Variants in AGAP5 observed in about 807,000 individuals in gnomAD.
AGAP5 encodes ArfGAP with GTPase domain, ankyrin repeat and PH domain 5.
Under a neutral mutation model 27.7 loss-of-function variants are expected in AGAP5, and 8 were observed. The observed-to-expected ratio is 0.29, with a 90% CI of 0.17 to 0.52. AGAP5 has a LOEUF of 0.52. Among genes scored for constraint, AGAP5 ranks in the 20% least tolerant of loss-of-function variants. The pLI, the probability that AGAP5 is intolerant of heterozygous loss-of-function variation, is 0.97. For synonymous variants in AGAP5, 111 were observed against 338.0 expected (o/e 0.33, Z 7.37); for missense variants, 285 against 880.8 (o/e 0.32, Z 8.56).
At chr10:73,678,150 G>A (rs2081995454) in intron 6 of AGAP5, among the ~76,000 whole-genome samples, 1 of 152,066 alleles carries the variant, frequency 6.6e-6, no homozygotes, top group Non-Finnish European at 1.5e-5. Context: ...AGCACTTTGA[G>A]AGGCCAAAGC....
In AGAP5 at chr10:73,674,967, G is replaced by A. The variant is rs113207551; in HGVS notation, c.1693C>T (p.Arg565Trp). The change falls in exon 8 of 8, where the codon CGG (arginine) becomes TGG (tryptophan). Residue 565 changes from arginine (R) to tryptophan (W), a missense_variant. Coordinates refer to ENST00000374094, the MANE Select transcript of AGAP5 (RefSeq NM_001144000.4). The part of the protein sequence containing the change: ...SVKSTREEKE[R>W]WIRSKYEEKL... The stretch of plus-strand genomic sequence containing the variant: ...TCCTCATATTTGGAACGGATCCACC[G>A]TTCCTTCTCTTCCCTCGTGGACTTT... 661 of 1,613,010 alleles carry A rather than the reference G, an allele frequency of 4.1e-4. 3 individuals are homozygous for A. The South Asian group carries it at 6.5e-3, about 16-fold the overall frequency.
chr10:73,689,050 C>T (rs1035978009), intron 4 of AGAP5, among the ~76,000 whole-genome samples: 4 of 152,202 alleles, frequency 2.6e-5, no homozygotes, highest in Non-Finnish European at 5.9e-5. Context: ...GAAGCTGGAC[C>T]GTACTGCTGC....
At chr10:73,696,382 A>T (rs1339908656) in intron 2 of AGAP5, among the ~76,000 whole-genome samples, 2 of 152,168 alleles carry the variant, frequency 1.3e-5, no homozygotes, top group Non-Finnish European at 2.9e-5. Context: ...ACAAAGGGGG[A>T]GCCACGGCAA....
chr10:73,675,029 C>T lies in AGAP5; in HGVS notation c.1631G>A (p.Trp544Ter), dbSNP rs1329951580. ...SIGNDLANSI[W>*]EGSSQGQTKP... The stretch of plus-strand genomic sequence containing the variant: ...TGTCTGCCCCTGGCTGCTCCCTTCC[C>T]AGATGCTGTTGGCTAGGTCATTGCC... Residue 544 changes from tryptophan (W) to a stop codon, truncating the protein, a stop_gained, in exon 8 of 8, where the codon TGG (tryptophan) becomes TAG (stop). Coordinates refer to ENST00000374094, the MANE Select transcript of AGAP5 (RefSeq NM_001144000.4). LOFTEE classifies it low-confidence loss of function (END_TRUNC). The T allele has an allele frequency of 1.2e-6, 2 of 1,612,656 alleles. No individual in the cohort carries two copies. The highest frequency in any genetic ancestry group is 2.0e-4 in the Middle Eastern group (1 of 5,062).
In AGAP5 at chr10:73,696,355, T is replaced by C. The variant is rs1238617824; in HGVS notation, c.292+740A>G. ...TTCTTATCTTTGAACAAGATGCTAT[T>C]GTCAGGAGGGGAAGGGACAAAGGGG... On this transcript the variant is annotated intron_variant, in intron 2 of 7. Transcript: ENST00000374094. Among the ~76,000 whole-genome samples, 18 of 152,296 alleles carry C rather than the reference T, an allele frequency of 1.2e-4. No homozygotes were observed. The East Asian group carries it at 3.3e-3, about 28-fold the overall frequency.
At chr10:73,687,649 T>A (rs184528685) in intron 4 of AGAP5, among the ~76,000 whole-genome samples, 2 of 152,344 alleles carry the variant, frequency 1.3e-5, no homozygotes, top group East Asian at 3.8e-4. Flanking sequence ...CATACATTAA[T>A]TTAAAAAGTT....
At chr10:73,695,448 G>A (rs2082153477) in intron 2 of AGAP5, among the ~76,000 whole-genome samples, 1 of 152,174 alleles carries the variant, frequency 6.6e-6, no homozygotes, top group Non-Finnish European at 1.5e-5. Flanking sequence ...ACAATAAAGA[G>A]CCATTTTTGG....
In AGAP5 at chr10:73,697,087, T is replaced by C. The variant is rs771640123; in HGVS notation, c.292+8A>G. ...TAATAAACAGAGCTACAGACACTGT[T>C]GTCTCACCATCTGTTTGAGAGTTCC... On this transcript the variant is annotated splice_region_variant and intron_variant, in intron 2 of 7. Coordinates refer to ENST00000374094, the MANE Select transcript of AGAP5 (RefSeq NM_001144000.4). The C allele has an allele frequency of 1.2e-5, 19 of 1,597,504 alleles. No homozygotes were observed. The South Asian group carries it at 2.1e-4, about 18-fold the overall frequency.
At chr10:73,689,722 G>A (rs1589474612) in intron 4 of AGAP5, among the ~76,000 whole-genome samples, 1 of 149,708 alleles carries the variant, frequency 6.7e-6, no homozygotes, top group Non-Finnish European at 1.5e-5. Flanking sequence ...CAACCGCCCC[G>A]TCTGAGAAGT....
intron 4 of AGAP5, among the ~76,000 whole-genome samples, chr10:73,691,492 CT>C (rs770330986): frequency 0.013 from 1,672 of 132,850 alleles, 15 homozygotes; most frequent in African/African-American, 0.035. Context: ...ATTTAAGGCA[CT>C]TTTTTTTTTT....
intron 4 of AGAP5, among the ~76,000 whole-genome samples, chr10:73,685,470 T>C (rs554971898): frequency 6.6e-6 from 1 of 152,298 alleles, no homozygotes; most frequent in South Asian, 2.1e-4. Context: ...TCTGTTTATG[T>C]GGTGTATCAC....
rs921422725 is a variant in AGAP5, at chr10:73,674,390, T to C, written c.*209A>G. The C allele has an allele frequency of 1.2e-5, 8 of 660,362 alleles. No individual in the cohort carries two copies. The highest frequency in any genetic ancestry group is 5.8e-5 in the Admixed American group (2 of 34,446). 40.9% of individuals were successfully genotyped at this position (660,362 alleles called of 1,614,324 possible). A position where few individuals can be genotyped will look rare whatever the true frequency, so the allele number is the denominator to read the frequency against. On this transcript the variant is annotated 3_prime_UTR_variant, in exon 8 of 8. Coordinates refer to ENST00000374094, the MANE Select transcript of AGAP5 (RefSeq NM_001144000.4). Reference sequence around the variant, plus strand: ...CTTGGGCAATGTGGCCAGGAGGGCCTGAGACTAACACATCCACCTTGGCAA... The same window carrying C: ...CTTGGGCAATGTGGCCAGGAGGGCCCGAGACTAACACATCCACCTTGGCAA...
At chr10:73,688,966 C>T (rs1565007119) in intron 4 of AGAP5, among the ~76,000 whole-genome samples, 1 of 152,036 alleles carries the variant, frequency 6.6e-6, no homozygotes, top group African/African-American at 2.4e-5. Context: ...TCTCCTCTGC[C>T]TCTGCTGCCT....
At chr10:73,676,291 C>CAAAAAAAAAAA (rs371426814) in intron 7 of AGAP5, among the ~76,000 whole-genome samples, 2 of 71,802 alleles carry the variant, frequency 2.8e-5, no homozygotes, top group African/African-American at 5.0e-5. Context: ...CCTGTCTTTA[C>CAAAAAAAAAAA]AAAAAAAAAA....
intron 4 of AGAP5, among the ~76,000 whole-genome samples, chr10:73,688,690 A>G (rs2082084836): frequency 6.6e-6 from 1 of 152,090 alleles, no homozygotes; most frequent in African/African-American, 2.4e-5. Flanking sequence ...CTGAATAACA[A>G]GACTATCAGT....
Position 73,697,692 on chromosome 10 carries a change from C to T in AGAP5, c.64G>A (p.Gly22Arg). 1 of 1,598,850 alleles carries T rather than the reference C, an allele frequency of 6.3e-7. No individual in the cohort carries two copies. Among genetic ancestry groups the T allele is most frequent in the East Asian group, 2.2e-5 (1 of 44,884 alleles). Reference sequence around the variant, plus strand: ...TCAGATTCAGAGGGACACACCGACCCCTGTTGCTGGTCAAACTCGAGGCTG... The same window carrying T: ...TCAGATTCAGAGGGACACACCGACCTCTGTTGCTGGTCAAACTCGAGGCTG... ...SVSLEFDQQQ[G>R]SVCPSESEIY... Residue 22 changes from glycine (G) to arginine (R), a missense_variant, in exon 1 of 8, where the codon GGG becomes AGG. Physicochemically the swap from Gly to Arg is moderately radical, Grantham distance 125. Coordinates refer to ENST00000374094, the MANE Select transcript of AGAP5 (RefSeq NM_001144000.4).
chr10:73,690,816 C>T (rs1245333042), intron 4 of AGAP5, among the ~76,000 whole-genome samples: 3 of 152,050 alleles, frequency 2.0e-5, no homozygotes, highest in Non-Finnish European at 2.9e-5. Flanking sequence ...ACAGCAGTTA[C>T]GTGAGATCCC....
chr10:73,685,535 T>C (rs1300686473), intron 4 of AGAP5, among the ~76,000 whole-genome samples: 2 of 152,036 alleles, frequency 1.3e-5, no homozygotes, highest in Non-Finnish European at 1.5e-5. Flanking sequence ...TGAAACCCAT[T>C]TGATCATGGT....
intron 4 of AGAP5, among the ~76,000 whole-genome samples, chr10:73,688,211 C>A (rs2082081199): frequency 6.6e-6 from 1 of 152,232 alleles, no homozygotes; most frequent in Admixed American, 6.5e-5. Flanking sequence ...ACTTTCTGCG[C>A]TAACTCTGCT....
Sources: gnomAD v4.1 joint callset for allele counts (sites outside exome capture counted in the v4.1 genomes callset) on GRCh38, gnomAD v4.1.1 for gene constraint, MANE v1.5 for transcripts, NCBI Gene and HGNC (gene_info 2026-07-23, HGNC 2026-07-21) for gene names.